Variants in SLIT2 observed in about 807,000 individuals in gnomAD.
SLIT2 encodes the protein slit homolog 2 protein.
SLIT2 carries 41 observed loss-of-function variants against 185.7 expected under a neutral mutation model. The ratio of observed to expected loss-of-function variants is 0.22; its 90% confidence interval spans 0.17 to 0.29. The LOEUF (loss-of-function observed/expected upper bound fraction) is 0.29. Ranked by LOEUF, SLIT2 falls within the 10% of genes least tolerant of loss-of-function variation. The pLI, the probability that SLIT2 is intolerant of heterozygous loss-of-function variation, is 1.00. For synonymous variants in SLIT2, 693 were observed against 680.2 expected (o/e 1.02, Z -0.29); for missense variants, 1,571 against 1,909.0 (o/e 0.82, Z 3.30).
intron 11 of SLIT2, among the ~76,000 whole-genome samples, chr4:20,517,684 A>G (rs1720335505): frequency 2.0e-5 from 3 of 152,282 alleles, no homozygotes; most frequent in South Asian, 4.1e-4. Flanking sequence ...TCTTTACACT[A>G]TAATAGCACC....
chr4:20,596,387 C>T (rs549571534), intron 31 of SLIT2, 28 bp from the exon 32 acceptor site: 1 of 1,606,032 alleles, frequency 6.2e-7, no homozygotes, highest in East Asian at 2.2e-5. Flanking sequence ...ATCGTATTAA[C>T]TAATTTTTTT....
chr4:20,312,122 A>G (rs1364222459), intron 4 of SLIT2, among the ~76,000 whole-genome samples: 1 of 152,228 alleles, frequency 6.6e-6, no homozygotes, highest in Non-Finnish European at 1.5e-5. Flanking sequence ...CAGTTTCTCA[A>G]GAGTTTTATT....
chr4:20,447,531 G>A (rs1711950535), intron 4 of SLIT2, among the ~76,000 whole-genome samples: 1 of 152,126 alleles, frequency 6.6e-6, no homozygotes, highest in Non-Finnish European at 1.5e-5. Context: ...TTTGATACAA[G>A]GAGAAAAAGA....
At chr4:20,355,020 T>A (rs1722211596) in intron 4 of SLIT2, among the ~76,000 whole-genome samples, 1 of 152,168 alleles carries the variant, frequency 6.6e-6, no homozygotes, top group African/African-American at 2.4e-5. Flanking sequence ...TCCTCATTTT[T>A]AAGTTATTGC....
At chr4:20,495,370 C>T (rs946382960) in intron 9 of SLIT2, among the ~76,000 whole-genome samples, 1 of 152,102 alleles carries the variant, frequency 6.6e-6, no homozygotes. Flanking sequence ...CAAGATCAGT[C>T]TGGACACAGG....
chr4:20,284,129 G>C (rs768197032), intron 4 of SLIT2, among the ~76,000 whole-genome samples: 1 of 152,156 alleles, frequency 6.6e-6, no homozygotes, highest in Non-Finnish European at 1.5e-5. Context: ...TGGGCAACTT[G>C]CTGCCATTCA....
chr4:20,513,944 GTGCTTGAAACTGAAATGATGAAGAGAA>G lies in SLIT2; in HGVS notation c.1058+2811_1058+2837del, dbSNP rs1390757159. 1.1e-4 allele frequency among the ~76,000 whole-genome samples: 17 copies of G among 152,228 alleles called. No homozygotes were observed. In the East Asian group the frequency reaches 2.7e-3, roughly 24 times the overall value. On this transcript the variant is annotated intron_variant, in intron 11 of 36. Transcript: ENST00000504154. ...TATCACTGCTACTGGAGAGTAGTGG[GTGCTTGAAACTGAAATGATGAAGAGAA>G]TGCAATTGTAACTACAGGTCTGAGA...
At chr4:20,354,900 TGTGTGTGAGAGAGAGAGA>T (rs756081983) in intron 4 of SLIT2, among the ~76,000 whole-genome samples, 5 of 113,842 alleles carry the variant, frequency 4.4e-5, no homozygotes, top group African/African-American at 6.7e-5. Flanking sequence ...TGTGTGTGTG[TGTGTGTGAGAGAGAGAGA>T]GAGAGAGAGA....
chr4:20,366,383 A>T (rs1303769541), intron 4 of SLIT2, among the ~76,000 whole-genome samples: 1 of 152,166 alleles, frequency 6.6e-6, no homozygotes, highest in Non-Finnish European at 1.5e-5. Context: ...TGTTTCTGGA[A>T]GGAATATGAT....
chr4:20,587,412 A>G (rs1727152120), intron 29 of SLIT2, among the ~76,000 whole-genome samples: 1 of 152,228 alleles, frequency 6.6e-6, no homozygotes, highest in African/African-American at 2.4e-5. Flanking sequence ...ATACAATCTC[A>G]GTAATGATTA....
chr4:20,495,549 C>T lies in SLIT2; in HGVS notation c.914+3650C>T, dbSNP rs16869681. On this transcript the variant is annotated intron_variant, in intron 9 of 36. Transcript: ENST00000504154. The stretch of plus-strand genomic sequence containing the variant: ...TATTTCTTATGATCGTGATTTTCTT[C>T]TACTTTGTATGTGCTATAGATTTTG... 5.0e-3 allele frequency among the ~76,000 whole-genome samples: 760 copies of T among 152,280 alleles called. 3 individuals carry two copies. The highest frequency in any genetic ancestry group is 0.018 in the African/African-American group (732 of 41,558).
intron 4 of SLIT2, among the ~76,000 whole-genome samples, chr4:20,353,083 TG>T (rs1722018169): frequency 6.6e-6 from 1 of 152,194 alleles, no homozygotes; most frequent in Non-Finnish European, 1.5e-5. Flanking sequence ...ATATCAATCT[TG>T]CCTTTGTTCT....
chr4:20,269,883 T>C (rs945990158), intron 4 of SLIT2, among the ~76,000 whole-genome samples: 10 of 151,872 alleles, frequency 6.6e-5, no homozygotes, highest in African/African-American at 1.9e-4. Context: ...CCAGGATCTT[T>C]GTTACATCCT....
At chr4:20,372,086 CT>C (rs1335073026) in intron 4 of SLIT2, among the ~76,000 whole-genome samples, 13 of 152,268 alleles carry the variant, frequency 8.5e-5, no homozygotes, top group Admixed American at 6.5e-4. Context: ...TCTTCACCCA[CT>C]TTTAGAGTTT....
At chr4:20,609,928 G>A in intron 33 of SLIT2, 85 bp from the exon 34 acceptor site, 1 of 1,268,282 alleles carries the variant, frequency 7.9e-7, no homozygotes, top group Non-Finnish European at 1.1e-6. Context: ...TTTTCCCAAG[G>A]AGCACTTATC....
chr4:20,590,880 T>C (rs1366180994), intron 30 of SLIT2, among the ~76,000 whole-genome samples: 1 of 152,202 alleles, frequency 6.6e-6, no homozygotes, highest in East Asian at 1.9e-4. Flanking sequence ...GAGCTAGAGC[T>C]AGGATTTATA....
chr4:20,574,318 G>A (rs1346727193), intron 29 of SLIT2, among the ~76,000 whole-genome samples: 1 of 152,028 alleles, frequency 6.6e-6, no homozygotes, highest in Non-Finnish European at 1.5e-5. Context: ...TTTATGAAAT[G>A]TTATCTTAAA....
At chr4:20,504,290 T>C in intron 9 of SLIT2, among the ~76,000 whole-genome samples, 1 of 152,136 alleles carries the variant, frequency 6.6e-6, no homozygotes, top group East Asian at 1.9e-4. Context: ...CCCCTTCCCT[T>C]ACCCCATTAA....
At chr4:20,305,311 A>C (rs55911061) in intron 4 of SLIT2, among the ~76,000 whole-genome samples, 36,325 of 152,118 alleles carry the variant, frequency 0.24, 5,259 homozygotes, top group East Asian at 0.6. Flanking sequence ...GTTTGATGAA[A>C]TGGAGACGGC....
Sources: gnomAD v4.1 joint callset for allele counts (sites outside exome capture counted in the v4.1 genomes callset) on GRCh38, gnomAD v4.1.1 for gene constraint, MANE v1.5 for transcripts, NCBI Gene and HGNC (gene_info 2026-07-23, HGNC 2026-07-21) for gene names.